Variants in TMCO5A observed in about 807,000 individuals in gnomAD.
TMCO5A encodes transmembrane and coiled-coil domain-containing protein 5A.
TMCO5A carries 34 observed loss-of-function variants against 42.3 expected under a neutral mutation model. The ratio of observed to expected loss-of-function variants is 0.80; its 90% CI spans 0.61 to 1.07. The LOEUF is 1.07. Ranked by LOEUF, TMCO5A falls within the 50% of genes least tolerant of loss-of-function variation. The pLI is 0.00. For synonymous variants in TMCO5A, 131 were observed against 115.6 expected (o/e 1.13, Z -0.86); for missense variants, 357 against 327.9 (o/e 1.09, Z -0.69).
chr15:38,005,169 C>A, the TMCO5A span, among the ~76,000 whole-genome samples: 2 of 150,270 alleles, frequency 1.3e-5, no homozygotes, highest in African/African-American at 4.9e-5. Flanking sequence ...TTCCTAAGGG[C>A]ACCTAGAGAG....
At chr15:37,968,970 T>C (rs1176700217), downstream of TMCO5A, among the ~76,000 whole-genome samples, 5 of 152,320 alleles carry the variant, frequency 3.3e-5, no homozygotes, top group African/African-American at 1.2e-4. Flanking sequence ...AGAAAAAGAA[T>C]ATTTGTTAAA....
intron 7 of TMCO5A, 90 bp downstream of exon 7, chr15:37,941,295 A>C: frequency 7.4e-7 from 1 of 1,343,652 alleles, no homozygotes; most frequent in Non-Finnish European, 1.1e-6. Context: ...ATTGATTTAC[A>C]TTAAGGTTCC....
chr15:38,037,617 C>T, the TMCO5A span, among the ~76,000 whole-genome samples: 1 of 152,168 alleles, frequency 6.6e-6, no homozygotes, highest in Non-Finnish European at 1.5e-5. Flanking sequence ...GCTTCTGTTG[C>T]AGAACTAGAG....
At chr15:38,035,721 T>C in the TMCO5A span, among the ~76,000 whole-genome samples, 2 of 152,222 alleles carry the variant, frequency 1.3e-5, no homozygotes, top group East Asian at 3.9e-4. Context: ...GATTGATGAC[T>C]GTACTGGGAA....
intron 8 of TMCO5A, 88 bp downstream of exon 8, chr15:37,941,818 G>A (rs1889757983): frequency 1.7e-6 from 2 of 1,176,680 alleles, no homozygotes; most frequent in Non-Finnish European, 2.5e-6. Flanking sequence ...ACTGTCCAGA[G>A]CAATTTCAAC....
chr15:38,011,704 A>G, the TMCO5A span, among the ~76,000 whole-genome samples: 1 of 152,314 alleles, frequency 6.6e-6, no homozygotes, highest in Admixed American at 6.5e-5. Context: ...GCAAATGCCC[A>G]AAATTCAGAC....
At chr15:37,938,105 G>A in intron 5 of TMCO5A, 53 bp from the exon 6 acceptor site, 2 of 1,450,372 alleles carry the variant, frequency 1.4e-6, no homozygotes, top group Non-Finnish European at 1.9e-6. Flanking sequence ...ACCAGAGAAA[G>A]TCTTTGCCTT....
At chr15:37,970,373 C>A (rs991880172), downstream of TMCO5A, among the ~76,000 whole-genome samples, 1 of 152,200 alleles carries the variant, frequency 6.6e-6, no homozygotes, top group Admixed American at 6.5e-5. Context: ...AAGAACAGCA[C>A]AAGAAAGACC....
intron 11 of TMCO5A, among the ~76,000 whole-genome samples, chr15:37,964,505 T>C (rs1253703435): frequency 6.6e-6 from 1 of 152,020 alleles, no homozygotes; most frequent in Non-Finnish European, 1.5e-5. Flanking sequence ...AAATTCACAA[T>C]GCGAGCCTCT....
At chr15:38,027,096 T>G in the TMCO5A span, among the ~76,000 whole-genome samples, 3 of 152,066 alleles carry the variant, frequency 2.0e-5, no homozygotes, top group African/African-American at 7.2e-5. Flanking sequence ...CACTGCCTAG[T>G]GGAGCTGTGA....
chr15:37,941,835 A>C (rs1889758232), intron 8 of TMCO5A, 105 bp downstream of exon 8: 6 of 944,790 alleles, frequency 6.4e-6, no homozygotes, highest in Non-Finnish European at 1.0e-5. Flanking sequence ...CAACAGTTCA[A>C]GGTGGCACTA....
At chr15:38,028,321 T>C in the TMCO5A span, among the ~76,000 whole-genome samples, 1 of 152,234 alleles carries the variant, frequency 6.6e-6, no homozygotes, top group African/African-American at 2.4e-5. Flanking sequence ...TTTGTCTGTG[T>C]CTTTGTTAAA....
chr15:37,978,153 C>T, the TMCO5A span, among the ~76,000 whole-genome samples: 1 of 152,218 alleles, frequency 6.6e-6, no homozygotes, highest in Non-Finnish European at 1.5e-5. Flanking sequence ...GACAACTGTA[C>T]TGTGGGCCTG....
chr15:37,971,560 G>C (rs768620890), downstream of TMCO5A, among the ~76,000 whole-genome samples: 7 of 152,134 alleles, frequency 4.6e-5, no homozygotes, highest in Non-Finnish European at 1.0e-4. Context: ...CAGAAAATGG[G>C]ATTTTCTTTT....
chr15:38,031,245 C>T, the TMCO5A span, among the ~76,000 whole-genome samples: 1 of 152,064 alleles, frequency 6.6e-6, no homozygotes, highest in Admixed American at 6.6e-5. Context: ...GAATAAAGTC[C>T]AAATCCCTTA....
chr15:38,039,171 T>G, the TMCO5A span, among the ~76,000 whole-genome samples: 1 of 152,212 alleles, frequency 6.6e-6, no homozygotes, highest in African/African-American at 2.4e-5. Context: ...AAGTTAAAAT[T>G]CTGAGTGTAG....
At chr15:38,002,714 C>T in the TMCO5A span, among the ~76,000 whole-genome samples, 174 of 152,056 alleles carry the variant, frequency 1.1e-3, 1 homozygote, top group African/African-American at 3.9e-3. Context: ...AAAATTATTT[C>T]AATCTCTTCA....
the TMCO5A span, among the ~76,000 whole-genome samples, chr15:38,021,863 G>A: frequency 6.7e-6 from 1 of 148,622 alleles, no homozygotes; most frequent in Admixed American, 6.8e-5. Flanking sequence ...AGGCTGGAGT[G>A]CAGCGGCCCG....
At chr15:37,943,529 A>C (rs1383483809) in intron 10 of TMCO5A, 131 bp downstream of exon 10, 1 of 771,274 alleles carries the variant, frequency 1.3e-6, no homozygotes, top group African/African-American at 1.8e-5. Flanking sequence ...TACCAGCTAT[A>C]ATTACAGAGC....
Sources: allele counts gnomAD v4.1 joint callset (sites outside exome capture counted in the v4.1 genomes callset), GRCh38; gene constraint gnomAD v4.1.1; transcripts MANE v1.5; gene names NCBI Gene and HGNC (gene_info 2026-07-23, HGNC 2026-07-21).